The following CHL1 variants were observed in gnomAD, a reference collection of about 807,000 sequenced individuals.
CHL1 encodes cell adhesion molecule L1 like, also known as neural cell adhesion molecule L1-like protein.
CHL1 carries 96 observed loss-of-function variants against 141.9 expected under a neutral mutation model. The observed-to-expected ratio is 0.68, with a 90% CI of 0.57 to 0.80. The LOEUF is 0.80. CHL1 is among the 30% of genes least tolerant of loss of function. CHL1 has a pLI of 0.00. For synonymous variants in CHL1, 613 were observed against 502.2 expected (o/e 1.22, Z -2.95); for missense variants, 1,820 against 1,457.2 (o/e 1.25, Z -4.05).
chr3:200,313 A>G (rs1002125884), intron 1 of CHL1, among the ~76,000 whole-genome samples: 6 of 152,180 alleles, frequency 3.9e-5, no homozygotes, highest in Admixed American at 3.9e-4. Context: ...GAGTAGGAAA[A>G]CATGACAGAT....
At position 405,542 on chromosome 3, in the gene CHL1, G is replaced by A. The variant is rs747564799; in HGVS notation, c.3506G>A (p.Arg1169Lys). The A allele has an allele frequency of 8.7e-6, 14 of 1,613,288 alleles. No homozygotes were observed. Among genetic ancestry groups the A allele is most frequent in the South Asian group, 6.6e-5 (6 of 91,054 alleles). Residue 1169 changes from arginine to lysine, a missense_variant, in exon 28 of 28, where the codon AGG becomes AAG. Arg to Lys is a conservative substitution (Grantham distance 26). Coordinates refer to ENST00000256509, the MANE Select transcript of CHL1 (RefSeq NM_006614.4). ...AAAGGAAGCCTTCGGTCCCTTAATA[G>A]GGATATGCAGCCTACTGAAAGTGCT... ...PLKGSLRSLNRDMQPTESADS... is the reference protein window; with the variant it reads ...PLKGSLRSLNKDMQPTESADS...
At chr3:273,974 A>G (rs1032060204) in intron 2 of CHL1, among the ~76,000 whole-genome samples, 2 of 152,202 alleles carry the variant, frequency 1.3e-5, no homozygotes, top group Non-Finnish European at 2.9e-5. Flanking sequence ...TCAGCTCCTT[A>G]CATGGCCTAC....
chr3:362,847 T>C (rs1559311212), intron 13 of CHL1, among the ~76,000 whole-genome samples: 3 of 152,210 alleles, frequency 2.0e-5, no homozygotes, highest in Non-Finnish European at 4.4e-5. Flanking sequence ...AAAGGTTCAT[T>C]ATCTCTTTCA....
intron 2 of CHL1, among the ~76,000 whole-genome samples, chr3:259,704 G>A (rs1254100350): frequency 6.6e-6 from 1 of 151,968 alleles, no homozygotes; most frequent in African/African-American, 2.4e-5. Context: ...CATGAAAGGA[G>A]GTACTTTGTT....
intron 15 of CHL1, chr3:376,416 A>G (rs1354658316): frequency 1.9e-6 from 1 of 517,004 alleles, no homozygotes; most frequent in African/African-American, 1.9e-5. Context: ...CGACATTTTT[A>G]ATAAGTTCTT....
At chr3:237,997 A>G (rs1692161532) in intron 1 of CHL1, among the ~76,000 whole-genome samples, 1 of 152,204 alleles carries the variant, frequency 6.6e-6, no homozygotes, top group Non-Finnish European at 1.5e-5. Context: ...CAACATTAAC[A>G]AAGTATCGTA....
At chr3:326,122 C>T (rs1323363628) in intron 4 of CHL1, 58 bp downstream of exon 4, 16 of 1,000,894 alleles carry the variant, frequency 1.6e-5, no homozygotes, top group Non-Finnish European at 2.5e-5. Flanking sequence ...TTATGCTGCT[C>T]TTTACTCTTA....
At chr3:390,058 A>T (rs981818992) in intron 20 of CHL1, among the ~76,000 whole-genome samples, 15 of 152,378 alleles carry the variant, frequency 9.8e-5, no homozygotes, top group Admixed American at 9.8e-4. Flanking sequence ...CCTTTCCAGC[A>T]TCTAAAGGAA....
intron 1 of CHL1, chr3:217,602 G>C (rs1700438444): frequency 6.6e-6 from 1 of 152,410 alleles, no homozygotes; most frequent in African/African-American, 2.4e-5. Flanking sequence ...GGAAGCAAGT[G>C]GAGAGGCGGT....
intron 2 of CHL1, among the ~76,000 whole-genome samples, chr3:275,971 T>C (rs898478550): frequency 7.2e-5 from 11 of 151,998 alleles, no homozygotes; most frequent in African/African-American, 2.4e-4. Context: ...TTTTAACATA[T>C]GAAAAAACTT....
intron 1 of CHL1, among the ~76,000 whole-genome samples, chr3:218,125 C>T (rs576538825): frequency 3.0e-4 from 45 of 152,278 alleles, no homozygotes; most frequent in African/African-American, 9.6e-4. Context: ...ACAAGGTTTA[C>T]GATACGTGTT....
At chr3:276,194 A>T (rs1469487082) in intron 2 of CHL1, among the ~76,000 whole-genome samples, 1 of 152,172 alleles carries the variant, frequency 6.6e-6, no homozygotes, top group Non-Finnish European at 1.5e-5. Flanking sequence ...AAAGATCATT[A>T]TGTCTGTTTA....
At chr3:355,572 G>A (rs767447815) in intron 11 of CHL1, among the ~76,000 whole-genome samples, 1 of 152,202 alleles carries the variant, frequency 6.6e-6, no homozygotes, top group African/African-American at 2.4e-5. Context: ...GAGCAGGTAC[G>A]ATAGTGGCTT....
intron 1 of CHL1, among the ~76,000 whole-genome samples, chr3:203,609 G>C (rs1482468244): frequency 6.6e-6 from 1 of 152,240 alleles, no homozygotes; most frequent in South Asian, 2.1e-4. Context: ...ACTGCCCCTT[G>C]TCCTGAAGGG....
Position 319,862 on chromosome 3 carries a change from C to G in CHL1, c.86C>G (p.Ser29Cys). 6.4e-7 allele frequency: 1 copy of G among 1,566,364 alleles called. No homozygotes were observed. Among genetic ancestry groups the G allele is most frequent in the Non-Finnish European group, 8.8e-7 (1 of 1,140,470 alleles). Residue 29 changes from serine to cysteine, a missense_variant, in exon 3 of 28, where the codon TCT becomes TGT. By Grantham distance (112) the Ser-to-Cys change is moderately radical. Transcript: ENST00000256509. ...TTCTCAAAAGCAATTGAAATACCAT[C>G]TTCAGGTAAAGTTAAAACATTCAGT... ...LKFSKAIEIPSSVQQVPTIIK... is the reference protein window; with the variant it reads ...LKFSKAIEIPCSVQQVPTIIK...
intron 26 of CHL1, among the ~76,000 whole-genome samples, chr3:400,272 T>C (rs999115670): frequency 2.6e-4 from 40 of 152,248 alleles, no homozygotes; most frequent in Non-Finnish European, 5.4e-4. Context: ...TAAAATGACA[T>C]GCATAATTTA....
At chr3:350,625 C>T (rs1406101227) in intron 10 of CHL1, among the ~76,000 whole-genome samples, 1 of 150,122 alleles carries the variant, frequency 6.7e-6, no homozygotes, top group Non-Finnish European at 1.5e-5. Flanking sequence ...AAAAAGGACT[C>T]AGACACAAAT....
chr3:289,423 A>G (rs1697460996), intron 2 of CHL1, among the ~76,000 whole-genome samples: 1 of 148,598 alleles, frequency 6.7e-6, no homozygotes, highest in South Asian at 2.1e-4. Flanking sequence ...GGTTTTTGCC[A>G]TTAATAATTC....
chr3:377,288 C>G (rs868819521), intron 15 of CHL1, among the ~76,000 whole-genome samples: 1 of 152,154 alleles, frequency 6.6e-6, no homozygotes, highest in Admixed American at 6.5e-5. Context: ...GCTTCAATTG[C>G]TATCTGATCT....
Sources: gnomAD v4.1 joint callset for allele counts (sites outside exome capture counted in the v4.1 genomes callset) on GRCh38, gnomAD v4.1.1 for gene constraint, MANE v1.5 for transcripts, NCBI Gene and HGNC (gene_info 2026-07-23, HGNC 2026-07-21) for gene names.